The following EVPLL variants were observed in gnomAD, a reference collection of about 807,000 sequenced individuals.
The protein encoded by EVPLL is envoplakin like.
In EVPLL, 39 loss-of-function variants were observed where a neutral mutation model predicts 46.2. That is an observed-to-expected ratio of 0.84 (90% CI 0.65 to 1.10). EVPLL has a LOEUF of 1.10. Ranked by LOEUF, EVPLL falls within the 50% of genes least tolerant of loss-of-function variation. The pLI, the probability that EVPLL is intolerant of heterozygous loss-of-function variation, is 0.00. For synonymous variants in EVPLL, 156 were observed against 165.8 expected (o/e 0.94, Z 0.46); for missense variants, 385 against 412.6 (o/e 0.93, Z 0.58).
chr17:18,382,021 C>T lies in EVPLL; in HGVS notation c.346+291C>T, dbSNP rs536714257. On this transcript the variant is annotated intron_variant, in intron 4 of 10. Transcript: ENST00000399134. Reference sequence around the variant, plus strand: ...ACCTGCCAGGAGGAAGCCTAGGATTCGATGGGAAGTGGGGATTTCTGGCCA... The same window carrying T: ...ACCTGCCAGGAGGAAGCCTAGGATTTGATGGGAAGTGGGGATTTCTGGCCA... 2.4e-5 allele frequency: 11 copies of T among 466,062 alleles called. No homozygotes were observed. The Admixed American group carries it at 2.4e-4, about 10-fold the overall frequency. 28.9% of individuals were successfully genotyped at this position (466,062 alleles called of 1,614,324 possible).
At position 18,380,954 on chromosome 17, in the gene EVPLL, A is replaced by T. The variant is rs1218819478; in HGVS notation, c.17A>T (p.Asp6Val). The change falls in exon 2 of 11, where the codon GAC becomes GTC. Residue 6 changes from aspartate to valine, a missense_variant. Coordinates refer to ENST00000399134, the MANE Select transcript of EVPLL (RefSeq NM_001145127.2). ...ATCTCCCACATGCAAGCCAGCGCCG[A>T]CCAGGTGGAGCGGGACATCCTGGAG... MQASA[D>V]QVERDILETQ... 1.9e-6 allele frequency: 3 copies of T among 1,596,470 alleles called. No individual in the cohort carries two copies. Among genetic ancestry groups the T allele is most frequent in the Non-Finnish European group, 8.5e-7 (1 of 1,172,240 alleles).
At chr17:18,384,338 G>C (rs1031891511) in intron 9 of EVPLL, among the ~76,000 whole-genome samples, 3 of 151,800 alleles carry the variant, frequency 2.0e-5, no homozygotes, top group Non-Finnish European at 4.4e-5. Flanking sequence ...AGGCATGGTG[G>C]CTCGTGCCTA....
intron 9 of EVPLL, among the ~76,000 whole-genome samples, chr17:18,384,723 CCCTG>C (rs1987712573): frequency 6.6e-6 from 1 of 152,178 alleles, no homozygotes; most frequent in Non-Finnish European, 1.5e-5. Flanking sequence ...CAGAGCAAGA[CCCTG>C]TCTGTTAAAA....
chr17:18,383,520 G>A lies in EVPLL; in HGVS notation c.809G>A (p.Trp270Ter). The stretch of plus-strand genomic sequence containing the variant: ...CACCAGGAGGCCCTGAAGATGGAGT[G>A]GCAGAACTTCCTGAACCTGTGCATC... ...QAHQEALKMEWQNFLNLCICQ... is the reference protein window; with the variant it reads ...QAHQEALKME Residue 270 changes from tryptophan to a stop codon, truncating the protein, a stop_gained, in exon 9 of 11, where the codon TGG becomes TAG. Coordinates refer to ENST00000399134, the MANE Select transcript of EVPLL (RefSeq NM_001145127.2). LOFTEE classifies it high-confidence loss of function. The A allele has an allele frequency of 6.3e-7, 1 of 1,585,824 alleles. No homozygotes were observed. Among genetic ancestry groups the A allele is most frequent in the Non-Finnish European group, 8.6e-7 (1 of 1,166,102 alleles).
At chr17:18,384,623 T>C (rs1017805900) in intron 9 of EVPLL, among the ~76,000 whole-genome samples, 1 of 151,628 alleles carries the variant, frequency 6.6e-6, no homozygotes, top group African/African-American at 2.4e-5. Context: ...TCAGAGCTAC[T>C]TGGGAGGCTG....
chr17:18,377,809 C>A lies in EVPLL; in HGVS notation c.-211C>A, dbSNP rs1987429615. ...CTTAGCTGACCAGCCAGCAAGGACG[C>A]CCGCTGCCTCCCACCTGCCCTCCTG... is the stretch of plus-strand genomic sequence containing the variant. On this transcript the variant is annotated 5_prime_UTR_variant, in exon 1 of 11. Transcript: ENST00000399134. 1 of 610,128 alleles carries A rather than the reference C, an allele frequency of 1.6e-6. No homozygotes were observed. Among genetic ancestry groups the A allele is most frequent in the South Asian group, 1.8e-5 (1 of 54,204 alleles). The allele number at this position is 610,128 out of a possible 1,614,324, so 37.8% of individuals were successfully genotyped here.
At chr17:18,382,759 G>T in intron 5 of EVPLL, 67 bp from the exon 6 acceptor site, 1 of 1,565,494 alleles carries the variant, frequency 6.4e-7, no homozygotes, top group Non-Finnish European at 8.6e-7. Flanking sequence ...GGCTTGCCCA[G>T]ATCTTAGGGG....
intron 8 of EVPLL, 25 bp from the exon 9 acceptor site, chr17:18,383,467 G>C (rs1404246578): frequency 6.4e-7 from 1 of 1,552,550 alleles, no homozygotes. Context: ...GGCGTGGTCC[G>C]AGGGCTCCGT....
In EVPLL at chr17:18,377,841, T is replaced by G; in HGVS notation, c.-179T>G. 1 of 771,536 alleles carries G rather than the reference T, an allele frequency of 1.3e-6. No individual in the cohort carries two copies. Among genetic ancestry groups the G allele is most frequent in the Non-Finnish European group, 2.1e-6 (1 of 479,726 alleles). 47.8% of individuals were successfully genotyped at this position (771,536 alleles called of 1,614,324 possible). The stretch of plus-strand genomic sequence containing the variant: ...CCTCCCACCTGCCCTCCTGCCCTCC[T>G]TCACCAGCCAAGCCCAGCCTGAGCC... On this transcript the variant is annotated 5_prime_UTR_variant, in exon 1 of 11. Transcript: ENST00000399134.
At position 18,381,624 on chromosome 17, in the gene EVPLL, G is replaced by A. The variant is rs750303603; in HGVS notation, c.240G>A (p.Arg80=). 9.3e-6 allele frequency: 15 copies of A among 1,614,180 alleles called. No homozygotes were observed. The highest frequency in any genetic ancestry group is 1.3e-5 in the Non-Finnish European group (15 of 1,180,026). The change falls in exon 4 of 11, where the codon CGG becomes CGA. Residue 80 remains arginine, a synonymous_variant. Coordinates refer to ENST00000399134, the MANE Select transcript of EVPLL (RefSeq NM_001145127.2). This position sits in a 1 kb window ranked among gnomAD's most constrained non-coding sequence, Gnocchi z 4.2. ...ACAGCATCGAGCAGCTGCACGAGCG[G>A]GTGACCCAGGAGTGTGCGGAGTACT... is the stretch of plus-strand genomic sequence containing the variant. The part of the protein sequence containing the change: ...TEKDIEQLHE[R]VTQECAEYCA...
Position 18,383,715 on chromosome 17 carries a change from G to A in EVPLL, c.876+128G>A, listed in dbSNP as rs1225907197. 8.6e-6 allele frequency: 7 copies of A among 815,198 alleles called. No homozygotes were observed. The Admixed American group carries it at 9.9e-5, about 12-fold the overall frequency. 50.5% of individuals were successfully genotyped at this position (815,198 alleles called of 1,614,324 possible). Reference sequence around the variant, plus strand: ...TGGCAAGTCGCGGTGGCTCACACCTGTAATCCCAGCACTTTGGGAGGCTGA... The same window carrying A: ...TGGCAAGTCGCGGTGGCTCACACCTATAATCCCAGCACTTTGGGAGGCTGA... On this transcript the variant is annotated intron_variant, in intron 9 of 10. Coordinates refer to ENST00000399134, the MANE Select transcript of EVPLL (RefSeq NM_001145127.2).
chr17:18,379,173 G>A (rs1987480115), intron 1 of EVPLL, among the ~76,000 whole-genome samples: 1 of 152,300 alleles, frequency 6.6e-6, no homozygotes, highest in South Asian at 2.1e-4. Flanking sequence ...GTTCTCTGGG[G>A]CCCAGCCTCA....
chr17:18,378,081 C>G, intron 1 of EVPLL, 98 bp downstream of exon 1: 1 of 412,934 alleles, frequency 2.4e-6, no homozygotes, highest in Non-Finnish European at 4.2e-6. Context: ...GAGCCCAGGA[C>G]CAGCCCCGTG....
chr17:18,383,338 G>A lies in EVPLL; in HGVS notation c.740G>A (p.Arg247His). ...AACCAGCTGGAGGAGGACGGCAAGC[G>A]CATGGTGGAGCTGCGGCACCCCGCG... is the stretch of plus-strand genomic sequence containing the variant. Reference protein sequence around the residue: ...SVNQLEEDGKRMVELRHPAVG... With the variant: ...SVNQLEEDGKHMVELRHPAVG... The change falls in exon 8 of 11, where the codon CGC becomes CAC. Residue 247 changes from arginine (R) to histidine (H), a missense_variant. Coordinates refer to ENST00000399134, the MANE Select transcript of EVPLL (RefSeq NM_001145127.2). 2 of 1,604,480 alleles carry A rather than the reference G, an allele frequency of 1.2e-6. No individual in the cohort carries two copies. The highest frequency in any genetic ancestry group is 1.3e-5 in the African/African-American group (1 of 74,756).
chr17:18,384,500 C>T (rs550616552), intron 9 of EVPLL, among the ~76,000 whole-genome samples: 1 of 151,532 alleles, frequency 6.6e-6, no homozygotes, highest in Admixed American at 6.6e-5. Context: ...GAGGCCGAGG[C>T]GGGTGGATCA....
chr17:18,383,465 C>G (rs1987667638), intron 8 of EVPLL, 27 bp from the exon 9 acceptor site: 42 of 1,550,920 alleles, frequency 2.7e-5, no homozygotes, highest in Non-Finnish European at 3.6e-5. Context: ...GGGGCGTGGT[C>G]CGAGGGCTCC....
rs1195984407 is a variant in EVPLL at position 18,380,923 on chromosome 17, C to G, written c.-15C>G. Reference sequence around the variant, plus strand: ...CAAGAATGCCACCCAGGAGCTGACCCTGCTCATCTCCCACATGCAAGCCAG... The same window carrying G: ...CAAGAATGCCACCCAGGAGCTGACCGTGCTCATCTCCCACATGCAAGCCAG... On this transcript the variant is annotated 5_prime_UTR_variant, in exon 2 of 11. Coordinates refer to ENST00000399134, the MANE Select transcript of EVPLL (RefSeq NM_001145127.2). 11 of 1,582,690 alleles carry G rather than the reference C, an allele frequency of 7.0e-6. No homozygotes were observed. The highest frequency in any genetic ancestry group is 1.2e-5 in the South Asian group (1 of 85,948).
chr17:18,384,116 A>C (rs886950978), intron 9 of EVPLL, among the ~76,000 whole-genome samples: 6 of 152,164 alleles, frequency 3.9e-5, no homozygotes, highest in South Asian at 2.1e-4. Flanking sequence ...GTTTTTATGC[A>C]TGAAGTACAG....
rs1214178407 is a variant in EVPLL, at chr17:18,382,773, G to A, written c.473-53G>A. 1.0e-5 allele frequency: 16 copies of A among 1,586,618 alleles called. No individual in the cohort carries two copies. The African/African-American group carries it at 1.5e-4, about 15-fold the overall frequency. ...TGGCTTGCCCAGATCTTAGGGGGCC[G>A]TCTCCCTGTGCCCCACCTCTCACGG... On this transcript the variant is annotated intron_variant, in intron 5 of 10. Coordinates refer to ENST00000399134, the MANE Select transcript of EVPLL (RefSeq NM_001145127.2).
Sources: gnomAD v4.1 joint callset for allele counts (sites outside exome capture counted in the v4.1 genomes callset) on GRCh38, gnomAD v4.1.1 for gene constraint, Gnocchi (gnomAD v3.1) non-coding constraint, MANE v1.5 for transcripts, NCBI Gene and HGNC (gene_info 2026-07-23, HGNC 2026-07-21) for gene names.